The following DRD3 variants were observed in gnomAD, a reference collection of about 807,000 sequenced individuals.
DRD3 encodes the protein dopamine receptor D3.
In DRD3, 19 loss-of-function variants were observed where a neutral mutation model predicts 36.3. The observed-to-expected ratio is 0.52, with a 90% CI of 0.36 to 0.77. The LOEUF (loss-of-function observed/expected upper bound fraction) is 0.77, where lower values mean the gene tolerates loss of function less well. Among genes scored for constraint, DRD3 ranks in the 30% least tolerant of loss-of-function variants. The pLI is 0.00. For missense variants in DRD3, 465 were observed against 505.3 expected, an observed-to-expected ratio of 0.92 and a Z score of 0.77; for synonymous variants, 195 against 203.7, an observed-to-expected ratio of 0.96 and a Z score of 0.36.
chr3:114,131,103 C>G lies in DRD3; in HGVS notation c.1006+15G>C. 6.2e-7 allele frequency: 1 copy of G among 1,609,838 alleles called. No homozygotes were observed. Among genetic ancestry groups the G allele is most frequent in the Admixed American group, 1.7e-5 (1 of 59,904 alleles). On this transcript the variant is annotated intron_variant, in intron 6 of 6. Transcript: ENST00000383673. The stretch of plus-strand genomic sequence containing the variant: ...CTAACCCAACCCAACACAGCTCAAG[C>G]CAACCCAAACTTACCAAGCACAATG...
At chr3:114,164,388 C>T (rs918363480) in intron 2 of DRD3, among the ~76,000 whole-genome samples, 2 of 151,802 alleles carry the variant, frequency 1.3e-5, no homozygotes, top group Admixed American at 1.3e-4. Context: ...TAAGTAACTC[C>T]CTGTGGCAAT....
chr3:114,168,597 C>T (rs1179478769), intron 2 of DRD3, among the ~76,000 whole-genome samples: 1 of 151,888 alleles, frequency 6.6e-6, no homozygotes, highest in East Asian at 1.9e-4. Context: ...GCTGTCCCTA[C>T]CCATCCTATT....
At chr3:114,174,862 TAAG>T (rs1165700754) in intron 1 of DRD3, among the ~76,000 whole-genome samples, 2 of 151,910 alleles carry the variant, frequency 1.3e-5, no homozygotes, top group Non-Finnish European at 2.9e-5. Context: ...GGGTCTCAGG[TAAG>T]AAGAAGCAAA....
At position 114,128,640 on chromosome 3, in the gene DRD3, C is replaced by T. The variant is rs2077397896; in HGVS notation, c.*76G>A. On this transcript the variant is annotated 3_prime_UTR_variant, in exon 7 of 7. Transcript: ENST00000383673. ...TCTTCCTACTGCATGCCGGAGGACA[C>T]TGCACAGTCTTTCTGAGTGGGCCAA... 1 of 1,434,074 alleles carries T rather than the reference C, an allele frequency of 7.0e-7. No individual in the cohort carries two copies. Among genetic ancestry groups the T allele is most frequent in the African/African-American group, 1.4e-5 (1 of 70,392 alleles). The allele number at this position is 1,434,074 out of a possible 1,614,324, so 88.8% of individuals were successfully genotyped here.
intron 6 of DRD3, 127 bp from the exon 7 acceptor site, chr3:114,129,039 A>G (rs1370650966): frequency 3.9e-6 from 4 of 1,021,020 alleles, no homozygotes; most frequent in South Asian, 1.8e-5. Flanking sequence ...ATACCCACTT[A>G]CTTTTTTTTA....
At position 114,146,488 on chromosome 3, in the gene DRD3, C is replaced by T. The variant is rs1042335909; in HGVS notation, c.526+927G>A. On this transcript the variant is annotated intron_variant, in intron 4 of 6. Transcript: ENST00000383673. ...ATCCCAGCATTTTGGGAGGCCGAGGCGGGCTGATCACTTGAGGTCAGGAGT... is the reference window on the plus strand; with the variant it reads ...ATCCCAGCATTTTGGGAGGCCGAGGTGGGCTGATCACTTGAGGTCAGGAGT... Among the ~76,000 whole-genome samples, 18 of 152,070 alleles carry T rather than the reference C, an allele frequency of 1.2e-4. 1 individual carries two copies. Among genetic ancestry groups the T allele is most frequent in the South Asian group, 4.2e-4 (2 of 4,816 alleles).
chr3:114,189,289 C>A (rs1446802207), intron 1 of DRD3, among the ~76,000 whole-genome samples: 1 of 152,144 alleles, frequency 6.6e-6, no homozygotes, highest in Non-Finnish European at 1.5e-5. Context: ...AAGATTATTA[C>A]CAACACATTA....
At chr3:114,140,868 C>T (rs1272892745) in intron 4 of DRD3, among the ~76,000 whole-genome samples, 4 of 152,194 alleles carry the variant, frequency 2.6e-5, no homozygotes, top group Admixed American at 1.3e-4. Flanking sequence ...GATGAAGCCT[C>T]AGGTGTGGGC....
At chr3:114,133,569 G>A (rs1303513069) in intron 5 of DRD3, among the ~76,000 whole-genome samples, 10 of 5,928 alleles carry the variant, frequency 1.7e-3, no homozygotes, top group Non-Finnish European at 9.2e-3. Flanking sequence ...TTACTTAGTA[G>A]ATGTATCTTT....
At chr3:114,156,692 G>A (rs1037205365) in intron 3 of DRD3, among the ~76,000 whole-genome samples, 10 of 151,266 alleles carry the variant, frequency 6.6e-5, no homozygotes, top group Non-Finnish European at 1.2e-4. Context: ...GGCATTCAAT[G>A]TTTTCCACAA....
intron 4 of DRD3, 152 bp from the exon 5 acceptor site, chr3:114,139,848 T>C: frequency 4.6e-6 from 3 of 647,494 alleles, no homozygotes; most frequent in Non-Finnish European, 5.2e-6. Context: ...TACTGTCAGG[T>C]CCTTGAGGGT....
chr3:114,196,187 G>A (rs775597792), intron 1 of DRD3, among the ~76,000 whole-genome samples: 33 of 152,278 alleles, frequency 2.2e-4, no homozygotes, highest in Middle Eastern at 3.4e-3. Context: ...TCTTTTTAAT[G>A]CTAAGTAGTA....
intron 2 of DRD3, among the ~76,000 whole-genome samples, chr3:114,162,107 A>G (rs981112699): frequency 2.6e-5 from 4 of 152,220 alleles, no homozygotes; most frequent in African/African-American, 9.6e-5. Context: ...GAGAGGTTTT[A>G]CAAAATGTAC....
At chr3:114,186,820 G>T (rs1262039811) in intron 1 of DRD3, among the ~76,000 whole-genome samples, 1 of 152,192 alleles carries the variant, frequency 6.6e-6, no homozygotes, top group South Asian at 2.1e-4. Flanking sequence ...TGTCTAGCTG[G>T]GGAAACAGAT....
upstream of DRD3, among the ~76,000 whole-genome samples, chr3:114,183,436 T>C (rs1201066009): frequency 6.6e-6 from 1 of 152,216 alleles, no homozygotes; most frequent in Non-Finnish European, 1.5e-5. Flanking sequence ...GTCTTTTAGG[T>C]CTAGTGGGTT....
At chr3:114,131,088 C>A in intron 6 of DRD3, 30 bp downstream of exon 6, 1 of 1,603,836 alleles carries the variant, frequency 6.2e-7, no homozygotes, top group Non-Finnish European at 8.5e-7. Context: ...CTAACCCAAC[C>A]CAACACAGCT....
At chr3:114,168,210 TGA>T (rs1315319656) in intron 2 of DRD3, among the ~76,000 whole-genome samples, 1 of 152,250 alleles carries the variant, frequency 6.6e-6, no homozygotes, top group African/African-American at 2.4e-5. Context: ...TGATGACAGC[TGA>T]GTCTAACATC....
chr3:114,148,472 T>A (rs1484749903), intron 3 of DRD3, among the ~76,000 whole-genome samples: 1 of 152,186 alleles, frequency 6.6e-6, no homozygotes, highest in East Asian at 1.9e-4. Context: ...TCCTTACTAT[T>A]ATTGGACATC....
intron 4 of DRD3, among the ~76,000 whole-genome samples, chr3:114,145,584 A>G (rs1478726842): frequency 6.6e-6 from 1 of 152,216 alleles, no homozygotes; most frequent in Non-Finnish European, 1.5e-5. Context: ...ATATTTACAT[A>G]TGTTATCCCA....
Sources: gnomAD v4.1 joint callset for allele counts (sites outside exome capture counted in the v4.1 genomes callset) on GRCh38, gnomAD v4.1.1 for gene constraint, MANE v1.5 for transcripts, NCBI Gene and HGNC (gene_info 2026-07-23, HGNC 2026-07-21) for gene names.